IGF2BP2: variants seen among roughly 807,000 people sequenced by gnomAD.
IGF2BP2 encodes insulin like growth factor 2 mRNA binding protein 2.
In IGF2BP2, 17 loss-of-function variants were observed where a neutral mutation model predicts 75.8. The observed-to-expected ratio is 0.22, with a 90% confidence interval of 0.15 to 0.34. The LOEUF is 0.34. IGF2BP2 is among the 10% of genes least tolerant of loss of function. The pLI, the probability that IGF2BP2 is intolerant of heterozygous loss-of-function variation, is 1.00. For missense variants in IGF2BP2, 516 were observed against 772.4 expected (o/e 0.67, Z 3.93); for synonymous variants, 288 against 295.6 (o/e 0.97, Z 0.26).
At chr3:185,786,208 G>A (rs1350335690) in intron 2 of IGF2BP2, among the ~76,000 whole-genome samples, 1 of 151,918 alleles carries the variant, frequency 6.6e-6, no homozygotes, top group African/African-American at 2.4e-5. Context: ...CATTACAACA[G>A]CTAAGATTTC....
chr3:185,783,537 C>G (rs954131111), intron 2 of IGF2BP2, among the ~76,000 whole-genome samples: 1 of 152,240 alleles, frequency 6.6e-6, no homozygotes, highest in African/African-American at 2.4e-5. Context: ...AGAGCCGTTA[C>G]TTGGTCACCA....
chr3:185,812,227 C>G (rs1401214705), intron 2 of IGF2BP2, among the ~76,000 whole-genome samples: 2 of 152,116 alleles, frequency 1.3e-5, no homozygotes, highest in Admixed American at 1.3e-4. Flanking sequence ...GATTAGCAAG[C>G]CAACCCTGCT....
At chr3:185,677,049 A>ATT (rs1719580372) in intron 7 of IGF2BP2, among the ~76,000 whole-genome samples, 1 of 45,856 alleles carries the variant, frequency 2.2e-5, no homozygotes, top group Non-Finnish European at 4.2e-5. Context: ...ATGGAGATAT[A>ATT]TATATATATA....
intron 2 of IGF2BP2, among the ~76,000 whole-genome samples, chr3:185,792,154 CA>C (rs1336187169): frequency 6.6e-6 from 1 of 152,130 alleles, no homozygotes; most frequent in African/African-American, 2.4e-5. Context: ...TGATCACAGA[CA>C]AATCATCAAG....
chr3:185,804,407 AG>A (rs1257300284), intron 2 of IGF2BP2, among the ~76,000 whole-genome samples: 1 of 151,136 alleles, frequency 6.6e-6, no homozygotes, highest in Non-Finnish European at 1.5e-5. Flanking sequence ...ACTCCAGCCT[AG>A]GCGACAAGAG....
At chr3:185,749,782 C>T (rs533457652) in intron 2 of IGF2BP2, among the ~76,000 whole-genome samples, 1 of 152,156 alleles carries the variant, frequency 6.6e-6, no homozygotes, top group African/African-American at 2.4e-5. Context: ...TTTCAATTAA[C>T]AAAGTTGCAG....
chr3:185,796,476 T>C (rs936820697), intron 2 of IGF2BP2, among the ~76,000 whole-genome samples: 1 of 147,388 alleles, frequency 6.8e-6, no homozygotes, highest in Non-Finnish European at 1.5e-5. Context: ...GGTAGGAGAA[T>C]CACTTGAACT....
At chr3:185,800,674 T>G (rs1738089263) in intron 2 of IGF2BP2, among the ~76,000 whole-genome samples, 1 of 142,708 alleles carries the variant, frequency 7.0e-6, no homozygotes, top group Admixed American at 7.2e-5. Flanking sequence ...GAGGCGGAGG[T>G]TGCAGTGAGC....
In IGF2BP2 at chr3:185,770,691, CA is replaced by C. The variant is rs562319761; in HGVS notation, c.239+52461del. Among the ~76,000 whole-genome samples the C allele has an allele frequency of 1.1e-4, 17 of 152,326 alleles. No homozygotes were observed. The East Asian group carries it at 3.1e-3, about 28-fold the overall frequency. ...TTATGAGAGGAGGAGCCCCTCTAGG[CA>C]GTCACAGTCAGAGCAGCACAAAGAG... is the stretch of plus-strand genomic sequence containing the variant. On this transcript the variant is annotated intron_variant, in intron 2 of 15. Transcript: ENST00000382199.
At chr3:185,655,618 T>A (rs1002564871) in intron 12 of IGF2BP2, among the ~76,000 whole-genome samples, 1 of 152,236 alleles carries the variant, frequency 6.6e-6, no homozygotes, top group Non-Finnish European at 1.5e-5. Flanking sequence ...AGCACTGCTG[T>A]CTTTGCCCAT....
chr3:185,757,459 C>CTTTTTTTT (rs57417087), intron 2 of IGF2BP2, among the ~76,000 whole-genome samples: 1 of 99,610 alleles, frequency 1.0e-5, no homozygotes, highest in Non-Finnish European at 1.9e-5. Flanking sequence ...ATATCTCATA[C>CTTTTTTTT]TTTTTTTTTT....
chr3:185,717,435 A>AG (rs1337039733), intron 2 of IGF2BP2: 1 of 152,334 alleles, frequency 6.6e-6, no homozygotes, highest in Non-Finnish European at 1.5e-5. Context: ...GCAAAAAAAA[A>AG]CCTTTGAAGG....
chr3:185,675,127 G>T, intron 9 of IGF2BP2, 169 bp downstream of exon 9: 1 of 565,062 alleles, frequency 1.8e-6, no homozygotes, highest in Non-Finnish European at 3.0e-6. Context: ...ATGTTGTCCA[G>T]CGCACTTATC....
chr3:185,656,722 G>A (rs998118404), intron 12 of IGF2BP2, among the ~76,000 whole-genome samples: 1 of 152,214 alleles, frequency 6.6e-6, no homozygotes, highest in Admixed American at 6.5e-5. Context: ...GCTCAAGGAG[G>A]CAGGATGTGG....
chr3:185,664,883 G>A (rs961816507), intron 10 of IGF2BP2, among the ~76,000 whole-genome samples: 1 of 152,006 alleles, frequency 6.6e-6, no homozygotes, highest in African/African-American at 2.4e-5. Context: ...ATTATGGAAG[G>A]AAAACATTCT....
intron 2 of IGF2BP2, among the ~76,000 whole-genome samples, chr3:185,708,421 T>C (rs1392432230): frequency 6.6e-6 from 1 of 152,162 alleles, no homozygotes; most frequent in Admixed American, 6.5e-5. Flanking sequence ...CAAAAACATC[T>C]CCAGGAAGGG....
chr3:185,673,035 C>T (rs1297471354), intron 9 of IGF2BP2, among the ~76,000 whole-genome samples: 1 of 152,168 alleles, frequency 6.6e-6, no homozygotes. Context: ...CAAGGAAGTG[C>T]TTTTCTCCCT....
chr3:185,779,186 A>G (rs1358123214), intron 2 of IGF2BP2, among the ~76,000 whole-genome samples: 1 of 152,180 alleles, frequency 6.6e-6, no homozygotes, highest in African/African-American at 2.4e-5. Flanking sequence ...AAACACTTCC[A>G]AATCATCTAC....
chr3:185,679,507 G>A (rs1182516061), intron 7 of IGF2BP2, among the ~76,000 whole-genome samples: 23 of 151,492 alleles, frequency 1.5e-4, no homozygotes, highest in Admixed American at 1.4e-3. Context: ...TACAGTACAG[G>A]TTACTATATT....
Sources: gnomAD v4.1 joint callset for allele counts (sites outside exome capture counted in the v4.1 genomes callset) on GRCh38, gnomAD v4.1.1 for gene constraint, MANE v1.5 for transcripts, NCBI Gene and HGNC (gene_info 2026-07-23, HGNC 2026-07-21) for gene names.